Variants in SOD1 observed in about 807,000 individuals in gnomAD.
SOD1 encodes the protein superoxide dismutase 1, also known as superoxide dismutase [Cu-Zn].
Under a neutral mutation model 15.9 loss-of-function variants are expected in SOD1, and 8 were observed. That is an observed-to-expected ratio of 0.50 (90% CI 0.30 to 0.91). The LOEUF (loss-of-function observed/expected upper bound fraction) is 0.91, where lower values mean the gene tolerates loss of function less well. Among genes scored for constraint, SOD1 ranks in the 40% least tolerant of loss-of-function variants. The pLI is 0.07. For synonymous variants in SOD1, 86 were observed against 71.2 expected (o/e 1.21, Z -1.04); for missense variants, 137 against 194.5 (o/e 0.70, Z 1.76).
intron 1 of SOD1, chr21:31,660,409 A>G (rs2049538524): frequency 2.0e-5 from 3 of 152,344 alleles, no homozygotes; most frequent in East Asian, 3.9e-4. Flanking sequence ...TATATTTTTA[A>G]AAGGCTTTGG....
In SOD1 at chr21:31,667,306, C is replaced by T. The variant is rs557930089; in HGVS notation, c.288C>T (p.Ala96=). The change falls in exon 4 of 5, where the codon GCC becomes GCT. Residue 96 remains alanine, a synonymous_variant. Transcript: ENST00000270142. ...TGACTGCTGACAAAGATGGTGTGGC[C>T]GATGTGTCTATTGAAGATTCTGTGA... ...GNVTADKDGV[A]DVSIEDSVIS... is the part of the protein sequence containing the mutation. The T allele has an allele frequency of 5.0e-6, 8 of 1,614,032 alleles. No homozygotes were observed. The highest frequency in any genetic ancestry group is 4.5e-5 in the East Asian group (2 of 44,872).
Position 31,663,820 on chromosome 21 carries a change from A to G in SOD1, c.103A>G (p.Ser35Gly). 1 of 1,613,400 alleles carries G rather than the reference A, an allele frequency of 6.2e-7. No individual in the cohort carries two copies. The highest frequency in any genetic ancestry group is 1.1e-5 in the South Asian group (1 of 91,074). ...TAATGGACCAGTGAAGGTGTGGGGA[A>G]GCATTAAAGGACTGACTGAAGGCCT... Reference protein sequence around the residue: ...ESNGPVKVWGSIKGLTEGLHG... With the variant: ...ESNGPVKVWGGIKGLTEGLHG... Residue 35 changes from serine to glycine, a missense_variant, in exon 2 of 5, where the codon AGC becomes GGC. Ser to Gly is a moderately conservative substitution (Grantham distance 56). Transcript: ENST00000270142.
At chr21:31,663,071 G>T (rs1249448002) in intron 1 of SOD1, among the ~76,000 whole-genome samples, 1 of 149,924 alleles carries the variant, frequency 6.7e-6, no homozygotes, top group East Asian at 2.0e-4. Context: ...TGAGTGGGGA[G>T]TGGAGAGCAG....
chr21:31,666,128 C>T (rs1023900593), intron 2 of SOD1, among the ~76,000 whole-genome samples: 3 of 152,108 alleles, frequency 2.0e-5, no homozygotes, highest in African/African-American at 4.8e-5. Context: ...CGCACCACCA[C>T]GCCTAGCTAA....
At position 31,667,302 on chromosome 21, in the gene SOD1, T is replaced by C. The variant is rs202198235; in HGVS notation, c.284T>C (p.Val95Ala). 7 of 1,614,152 alleles carry C rather than the reference T, an allele frequency of 4.3e-6. No homozygotes were observed. The highest frequency in any genetic ancestry group is 5.9e-6 in the Non-Finnish European group (7 of 1,179,980). Residue 95 changes from valine to alanine, a missense_variant, in exon 4 of 5, where the codon GTG becomes GCG. Val to Ala is a moderately conservative substitution (Grantham distance 64). Coordinates refer to ENST00000270142, the MANE Select transcript of SOD1 (RefSeq NM_000454.5). The part of the protein sequence containing the change: ...LGNVTADKDG[V>A]ADVSIEDSVI... ...AATGTGACTGCTGACAAAGATGGTG[T>C]GGCCGATGTGTCTATTGAAGATTCT...
chr21:31,666,418 T>C (rs2049593228), intron 2 of SOD1, 31 bp from the exon 3 acceptor site: 1 of 1,536,432 alleles, frequency 6.5e-7, no homozygotes, highest in African/African-American at 1.4e-5. Context: ...TAATTCATAA[T>C]TTAGCTTTTT....
chr21:31,667,360 T>G lies in SOD1; in HGVS notation c.342T>G (p.Ile114Met), dbSNP rs750335577. The G allele has an allele frequency of 1.2e-6, 2 of 1,611,572 alleles. No individual in the cohort carries two copies. The highest frequency in any genetic ancestry group is 1.7e-5 in the Admixed American group (1 of 60,014). The change falls in exon 4 of 5, where the codon ATT becomes ATG. Residue 114 changes from isoleucine (I) to methionine (M), a missense_variant. Physicochemically the swap from Ile to Met is conservative, Grantham distance 10. Coordinates refer to ENST00000270142, the MANE Select transcript of SOD1 (RefSeq NM_000454.5). ...CACTCTCAGGAGACCATTGCATCAT[T>G]GGCCGCACACTGGTGGTAAGTTTTC... ...VISLSGDHCI[I>M]GRTLVVHEKA...
intron 1 of SOD1, chr21:31,660,732 G>C (rs956969357): frequency 1.3e-5 from 2 of 152,186 alleles, no homozygotes; most frequent in African/African-American, 2.4e-5. Flanking sequence ...TTTTTTGAAA[G>C]TTTCCAAAAG....
rs541000032 is a variant in SOD1, at chr21:31,663,935, ATAAACAG to A, written c.169+52_169+58del. 3.1e-3 allele frequency: 4,326 copies of A among 1,391,162 alleles called. 4 individuals carry two copies. Among genetic ancestry groups the A allele is most frequent in the Non-Finnish European group, 3.6e-3 (3,494 of 977,970 alleles). The allele number at this position is 1,391,162 out of a possible 1,614,324, so 86.2% of individuals were successfully genotyped here. A position where few individuals can be genotyped will look rare whatever the true frequency, so the allele number is the denominator to read the frequency against. ...ACCCATACTTGTTCACCCTAGTTAG[ATAAACAG>A]TAGAGTAGCCCCTAAACGTTAAAAC... On this transcript the variant is annotated intron_variant, in intron 2 of 4. Coordinates refer to ENST00000270142, the MANE Select transcript of SOD1 (RefSeq NM_000454.5).
intron 2 of SOD1, 27 bp downstream of exon 2, chr21:31,663,913 C>G: frequency 6.6e-7 from 1 of 1,504,020 alleles, no homozygotes; most frequent in African/African-American, 1.4e-5. Context: ...GCTGGTGACC[C>G]ATACTTGTTC....
At chr21:31,663,907 G>C in intron 2 of SOD1, 21 bp downstream of exon 2, 4 of 1,565,984 alleles carry the variant, frequency 2.6e-6, no homozygotes, top group Non-Finnish European at 3.5e-6. Context: ...TGCTGTGCTG[G>C]TGACCCATAC....
intron 3 of SOD1, chr21:31,666,938 A>G (rs573071252): frequency 2.4e-6 from 1 of 414,384 alleles, no homozygotes; most frequent in African/African-American, 2.0e-5. Context: ...AGCCTTTCAG[A>G]AAAATATTAA....
chr21:31,666,644 T>G, intron 3 of SOD1, 126 bp downstream of exon 3: 1 of 772,566 alleles, frequency 1.3e-6, no homozygotes, highest in Admixed American at 2.0e-5. Context: ...ACTTGCTGAC[T>G]CATCTAAACC....
chr21:31,667,308 A>T lies in SOD1; in HGVS notation c.290A>T (p.Asp97Val), dbSNP rs1555836803. The T allele has an allele frequency of 1.2e-6, 2 of 1,614,118 alleles. No individual in the cohort carries two copies. The highest frequency in any genetic ancestry group is 2.2e-5 in the South Asian group (2 of 91,086). Reference sequence around the variant, plus strand: ...ACTGCTGACAAAGATGGTGTGGCCGATGTGTCTATTGAAGATTCTGTGATC... The same window carrying T: ...ACTGCTGACAAAGATGGTGTGGCCGTTGTGTCTATTGAAGATTCTGTGATC... ...NVTADKDGVADVSIEDSVISL... is the reference protein window; with the variant it reads ...NVTADKDGVAVVSIEDSVISL... The change falls in exon 4 of 5, where the codon GAT becomes GTT. Residue 97 changes from aspartate to valine, a missense_variant. Asp to Val is a radical substitution (Grantham distance 152). Transcript: ENST00000270142.
Position 31,667,395 on chromosome 21 carries a change from T to C in SOD1, c.357+20T>C, listed in dbSNP as rs2049604842. Reference sequence around the variant, plus strand: ...CTGGTGGTAAGTTTTCATAAAAGGATATGCATAAAACTTCTTCTAACATAC... The same window carrying C: ...CTGGTGGTAAGTTTTCATAAAAGGACATGCATAAAACTTCTTCTAACATAC... On this transcript the variant is annotated intron_variant, in intron 4 of 4. Coordinates refer to ENST00000270142, the MANE Select transcript of SOD1 (RefSeq NM_000454.5). 2 of 1,517,528 alleles carry C rather than the reference T, an allele frequency of 1.3e-6. No homozygotes were observed. Among genetic ancestry groups the C allele is most frequent in the African/African-American group, 2.7e-5 (2 of 73,280 alleles). The allele number at this position is 1,517,528 out of a possible 1,614,324, so 94.0% of individuals were successfully genotyped here.
intron 2 of SOD1, among the ~76,000 whole-genome samples, chr21:31,665,970 GTTTTT>G (rs397866461): frequency 5.5e-5 from 7 of 128,294 alleles, no homozygotes; most frequent in Non-Finnish European, 6.4e-5. Context: ...ACTTGGTGGG[GTTTTT>G]TTTTTTTTTT....
chr21:31,664,021 G>C, intron 2 of SOD1, 135 bp downstream of exon 2: 1 of 690,006 alleles, frequency 1.4e-6, no homozygotes, highest in South Asian at 1.5e-5. Context: ...GCTCAGGCTG[G>C]AGTGCAGTGG....
At chr21:31,664,209 G>A in intron 2 of SOD1, 1 of 354,028 alleles carries the variant, frequency 2.8e-6, no homozygotes, top group East Asian at 7.0e-5. Context: ...CTGGGCTCAA[G>A]TGGTCTATCC....
intron 3 of SOD1, chr21:31,667,010 A>C: frequency 1.8e-6 from 1 of 546,266 alleles, no homozygotes; most frequent in Non-Finnish European, 3.3e-6. Context: ...CTATGCCAGT[A>C]ATTAACAGGC....
Sources: allele counts gnomAD v4.1 joint callset (sites outside exome capture counted in the v4.1 genomes callset), GRCh38; gene constraint gnomAD v4.1.1; transcripts MANE v1.5; gene names NCBI Gene and HGNC (gene_info 2026-07-23, HGNC 2026-07-21).